RNF123: variants seen among roughly 807,000 people sequenced by gnomAD.
RNF123 encodes E3 ubiquitin-protein ligase RNF123.
RNF123 carries 86 observed loss-of-function variants against 168.5 expected under a neutral mutation model. That is an observed-to-expected ratio of 0.51 (90% CI 0.43 to 0.61). The LOEUF is 0.61. Ranked by LOEUF, RNF123 falls within the 20% of genes least tolerant of loss-of-function variation. The probability of loss-of-function intolerance (pLI) is 0.00; values close to 1 mark genes in which losing one functional copy is unlikely to be tolerated. For synonymous variants in RNF123, 666 were observed against 689.1 expected, an observed-to-expected ratio of 0.97 and a Z score of 0.52; for missense variants, 1,419 against 1,729.7, an observed-to-expected ratio of 0.82 and a Z score of 3.19.
chr3:49,713,612 A>C, intron 28 of RNF123, 25 bp downstream of exon 28: 1 of 1,605,284 alleles, frequency 6.2e-7, no homozygotes, highest in Non-Finnish European at 8.5e-7. Flanking sequence ...CAGAGGGTAC[A>C]GGGGGAGGGG....
intron 34 of RNF123, 98 bp from the exon 35 acceptor site, chr3:49,716,295 C>A: frequency 6.5e-7 from 1 of 1,540,930 alleles, no homozygotes; most frequent in South Asian, 1.1e-5. Context: ...GCTCTGCAGT[C>A]TCGGCTCACC....
In RNF123 at chr3:49,719,610, C is replaced by G. The variant is rs2080342985; in HGVS notation, c.3501-901C>G. On this transcript the variant is annotated intron_variant, in intron 35 of 38. Transcript: ENST00000327697. ...GCGGGTTCTTGCCAGCCGACGGCCC[C>G]TACTCTCCGGTTCCCAGGTTGTGAG... 5 of 684,702 alleles carry G rather than the reference C, an allele frequency of 7.3e-6. No homozygotes were observed. In the South Asian group the frequency reaches 9.7e-5, roughly 13 times the overall value. 42.4% of individuals were successfully genotyped at this position (684,702 alleles called of 1,614,324 possible). A position where few individuals can be genotyped will look rare whatever the true frequency, so the allele number is the denominator to read the frequency against.
chr3:49,691,607 A>G, intron 3 of RNF123, 98 bp downstream of exon 3: 1 of 921,722 alleles, frequency 1.1e-6, no homozygotes, highest in Non-Finnish European at 1.7e-6. Context: ...CTGGACAGAT[A>G]GGCTTAGGCT....
chr3:49,718,804 A>C, intron 35 of RNF123: 1 of 1,613,182 alleles, frequency 6.2e-7, no homozygotes, highest in Non-Finnish European at 8.5e-7. Flanking sequence ...GTCGCAAGGC[A>C]AAGGGTTGTT....
Position 49,715,561 on chromosome 3 carries a change from C to T in RNF123, c.3011-14C>T. 1.2e-6 allele frequency: 2 copies of T among 1,613,660 alleles called. No homozygotes were observed. Among genetic ancestry groups the T allele is most frequent in the Non-Finnish European group, 1.7e-6 (2 of 1,179,838 alleles). ...GTGGAGTCCCTGATGATGCCGCCTC[C>T]TGTCCCCCTGCAGAGCCCTGCCCTT... On this transcript the variant is annotated splice_polypyrimidine_tract_variant and intron_variant, in intron 31 of 38. Coordinates refer to ENST00000327697, the MANE Select transcript of RNF123 (RefSeq NM_022064.5).
chr3:49,702,313 TCA>T lies in RNF123; in HGVS notation c.1558-19_1558-18del. 1 of 1,613,644 alleles carries T rather than the reference TCA, an allele frequency of 6.2e-7. No individual in the cohort carries two copies. The highest frequency in any genetic ancestry group is 8.5e-7 in the Non-Finnish European group (1 of 1,179,526). On this transcript the variant is annotated intron_variant, in intron 18 of 38. Coordinates refer to ENST00000327697, the MANE Select transcript of RNF123 (RefSeq NM_022064.5). ...CCTGCATTCTCAGCTCAGCACAGCC[TCA>T]CTTTTCCCTCTCTCAAAGGGTGAAG...
At position 49,698,078 on chromosome 3, in the gene RNF123, T is replaced by G. The variant is rs1211105443; in HGVS notation, c.424T>G (p.Ser142Ala). The change falls in exon 7 of 39, where the codon TCC (serine) becomes GCC (alanine). Residue 142 changes from serine to alanine, a missense_variant. Transcript: ENST00000327697. ...GAAATGGCTCTACGAGGTCCTCATC[T>G]CCTCCCAGGGGCTCATGCAGATCGG... ...KGKWLYEVLI[S>A]SQGLMQIGWC... is the part of the protein sequence containing the mutation. 2 of 1,613,786 alleles carry G rather than the reference T, an allele frequency of 1.2e-6. No individual in the cohort carries two copies. The highest frequency in any genetic ancestry group is 1.7e-6 in the Non-Finnish European group (2 of 1,179,974).
chr3:49,698,281 C>T (rs1575522436), intron 7 of RNF123, 144 bp downstream of exon 7: 1 of 919,430 alleles, frequency 1.1e-6, no homozygotes, highest in African/African-American at 1.7e-5. Flanking sequence ...GTGTCCCACC[C>T]AATCCCAGGC....
At position 49,720,694 on chromosome 3, in the gene RNF123, G is replaced by T. The variant is rs548073006; in HGVS notation, c.3643+41G>T. ...GGGCAGGTCAGGGAAATCTGGGGCT[G>T]GGTCGGGTCAGGAGCCTTAAGAACA... On this transcript the variant is annotated intron_variant, in intron 36 of 38. Transcript: ENST00000327697. The T allele has an allele frequency of 1.1e-4, 180 of 1,597,486 alleles. 1 individual carries two copies. The highest frequency in any genetic ancestry group is 7.9e-4 in the Admixed American group (47 of 59,600).
At chr3:49,701,964 G>A in intron 17 of RNF123, 54 bp downstream of exon 17, 3 of 1,546,372 alleles carry the variant, frequency 1.9e-6, no homozygotes, top group Non-Finnish European at 2.6e-6. Context: ...TGCACATGAG[G>A]GTGCTTGGAG....
In RNF123 at chr3:49,698,101, C is replaced by T. The variant is rs151132700; in HGVS notation, c.447C>T (p.Ile149=). ...VLISSQGLMQ[I]GWCTISCRFN... ...TCTCCTCCCAGGGGCTCATGCAGAT[C>T]GGCTGGTGCACCATCAGCTGCCGCT... Residue 149 remains isoleucine (I), a synonymous_variant, in exon 7 of 39, where the codon ATC becomes ATT. Coordinates refer to ENST00000327697, the MANE Select transcript of RNF123 (RefSeq NM_022064.5). 151 of 1,613,794 alleles carry T rather than the reference C, an allele frequency of 9.4e-5. No individual in the cohort carries two copies. The highest frequency in any genetic ancestry group is 1.6e-4 in the Middle Eastern group (1 of 6,080).
In RNF123 at chr3:49,718,860, C is replaced by G; in HGVS notation, c.3501-1651C>G. ...TGAGGAAGGCCGGCAGCGCGGCCAG[C>G]TCAGGTACGGAGATGTGTCCCAGCC... is the stretch of plus-strand genomic sequence containing the variant. On this transcript the variant is annotated intron_variant, in intron 35 of 38. Transcript: ENST00000327697. 1.2e-6 allele frequency: 2 copies of G among 1,613,436 alleles called. No homozygotes were observed. The highest frequency in any genetic ancestry group is 1.7e-6 in the Non-Finnish European group (2 of 1,180,040).
In RNF123 at chr3:49,705,973, G is replaced by C; in HGVS notation, c.2305-9G>C. On this transcript the variant is annotated splice_polypyrimidine_tract_variant and intron_variant, in intron 24 of 38. Coordinates refer to ENST00000327697, the MANE Select transcript of RNF123 (RefSeq NM_022064.5). Reference sequence around the variant, plus strand: ...GGGCACTCTGGACATGTGGTCCCATGCTGTGTAGATGGTGGGTGTCTCCGA... The same window carrying C: ...GGGCACTCTGGACATGTGGTCCCATCCTGTGTAGATGGTGGGTGTCTCCGA... 1 of 1,613,480 alleles carries C rather than the reference G, an allele frequency of 6.2e-7. No individual in the cohort carries two copies. Among genetic ancestry groups the C allele is most frequent in the Non-Finnish European group, 8.5e-7 (1 of 1,179,678 alleles).
At chr3:49,709,461 C>T (rs1299487781) in intron 26 of RNF123, among the ~76,000 whole-genome samples, 13 of 152,084 alleles carry the variant, frequency 8.5e-5, no homozygotes, top group Non-Finnish European at 1.5e-4. Context: ...CCACCACGCC[C>T]GGCTAATTTT....
At chr3:49,711,479 G>A (rs986246455) in intron 26 of RNF123, among the ~76,000 whole-genome samples, 28 of 152,098 alleles carry the variant, frequency 1.8e-4, no homozygotes, top group Non-Finnish European at 2.9e-4. Flanking sequence ...GCTCTGATGG[G>A]GCCATTGCCA....
chr3:49,701,611 G>T lies in RNF123; in HGVS notation c.1395+3G>T. ...GGCCCCACTGCTCCAGTAGGGAGGT[G>T]AGTGCACCCCAAGTGGGATGGGCAG... On this transcript the variant is annotated splice_donor_region_variant and intron_variant, in intron 16 of 38. Transcript: ENST00000327697. 1 of 1,610,572 alleles carries T rather than the reference G, an allele frequency of 6.2e-7. No homozygotes were observed. Among genetic ancestry groups the T allele is most frequent in the Non-Finnish European group, 8.5e-7 (1 of 1,177,246 alleles).
intron 24 of RNF123, 120 bp downstream of exon 24, chr3:49,705,799 A>G: frequency 4.6e-6 from 7 of 1,517,980 alleles, no homozygotes; most frequent in Non-Finnish European, 6.3e-6. Flanking sequence ...ATGGGAGCAC[A>G]TGCCTCAGCG....
At chr3:49,698,195 G>A in intron 7 of RNF123, 58 bp downstream of exon 7, 1 of 1,451,314 alleles carries the variant, frequency 6.9e-7, no homozygotes, top group Non-Finnish European at 9.6e-7. Flanking sequence ...CCTGCCACAG[G>A]CCTCATCAGG....
rs2054333056 is a variant in RNF123, at chr3:49,699,519, G to A, written c.816G>A (p.Leu272=). ...RPLQDPPSAD[L]VRAQRLLGCF... is the part of the protein sequence containing the mutation. Reference sequence around the variant, plus strand: ...TGCAGGACCCACCGAGTGCTGACCTGGTGCGGGCACAGAGGTTGCTGGGCT... The same window carrying A: ...TGCAGGACCCACCGAGTGCTGACCTAGTGCGGGCACAGAGGTTGCTGGGCT... Residue 272 remains leucine (L), a synonymous_variant, in exon 11 of 39, where the codon CTG becomes CTA. Coordinates refer to ENST00000327697, the MANE Select transcript of RNF123 (RefSeq NM_022064.5). This position sits in a 1 kb window ranked among gnomAD's most constrained non-coding sequence, Gnocchi z 4.8. The A allele has an allele frequency of 6.2e-7, 1 of 1,612,430 alleles. No individual in the cohort carries two copies. The highest frequency in any genetic ancestry group is 1.7e-5 in the Admixed American group (1 of 59,836).
Sources: allele counts gnomAD v4.1 joint callset (sites outside exome capture counted in the v4.1 genomes callset), GRCh38; gene constraint gnomAD v4.1.1; non-coding constraint Gnocchi (gnomAD v3.1); transcripts MANE v1.5; gene names NCBI Gene and HGNC (gene_info 2026-07-23, HGNC 2026-07-21).